DGLUCY: variants seen among roughly 807,000 people sequenced by gnomAD.
DGLUCY encodes D-glutamate cyclase, mitochondrial.
Under a neutral mutation model 58.5 loss-of-function variants are expected in DGLUCY, and 58 were observed. The observed-to-expected ratio is 0.99, with a 90% CI of 0.80 to 1.23. DGLUCY has a LOEUF of 1.23. Among genes scored for constraint, DGLUCY ranks in the 50% most tolerant of loss-of-function variants. The pLI, the probability that DGLUCY is intolerant of heterozygous loss-of-function variation, is 0.00. For synonymous variants in DGLUCY, 325 were observed against 314.1 expected, an observed-to-expected ratio of 1.03 and a Z score of -0.37; for missense variants, 779 against 784.7, an observed-to-expected ratio of 0.99 and a Z score of 0.09.
exon 1 of DGLUCY, chr14:91,060,635 G>A: frequency 4.5e-6 from 3 of 662,694 alleles, no homozygotes; most frequent in Non-Finnish European, 6.4e-6. Flanking sequence ...GGCACCGCTA[G>A]TACCGCGCAA....
At chr14:91,171,393 A>T (rs1250624971) in intron 5 of DGLUCY, among the ~76,000 whole-genome samples, 1 of 152,168 alleles carries the variant, frequency 6.6e-6, no homozygotes, top group Non-Finnish European at 1.5e-5. Context: ...GGCTTCACTG[A>T]CCCCGATGCT....
intron 1 of DGLUCY, among the ~76,000 whole-genome samples, chr14:91,085,411 C>T (rs2044197594): frequency 6.6e-6 from 1 of 152,056 alleles, no homozygotes; most frequent in African/African-American, 2.4e-5. Flanking sequence ...ATACCCCCCA[C>T]ATCTTTTTCC....
intron 1 of DGLUCY, among the ~76,000 whole-genome samples, chr14:91,097,122 G>A (rs922068360): frequency 3.3e-4 from 50 of 152,192 alleles, no homozygotes; most frequent in African/African-American, 1.2e-3. Context: ...TTAGGCTGGG[G>A]GCAGTGGCTC....
At chr14:91,113,850 C>A (rs1165511722), upstream of DGLUCY, among the ~76,000 whole-genome samples, 1 of 152,208 alleles carries the variant, frequency 6.6e-6, no homozygotes, top group Non-Finnish European at 1.5e-5. Flanking sequence ...AGTGCCCAGG[C>A]CATACACCCC....
intron 1 of DGLUCY, among the ~76,000 whole-genome samples, chr14:91,151,082 C>T (rs574670064): frequency 1.3e-5 from 2 of 152,336 alleles, no homozygotes; most frequent in South Asian, 4.1e-4. Flanking sequence ...TCACTTATGT[C>T]TGACTTATTT....
At chr14:91,146,555 G>A (rs1406080770) in intron 1 of DGLUCY, among the ~76,000 whole-genome samples, 1 of 152,166 alleles carries the variant, frequency 6.6e-6, no homozygotes, top group Non-Finnish European at 1.5e-5. Context: ...GCTGCTTCCT[G>A]GGTGACTGTG....
chr14:91,184,584 G>GGC (rs1555402937), intron 8 of DGLUCY, among the ~76,000 whole-genome samples: 1 of 114,132 alleles, frequency 8.8e-6, no homozygotes, highest in African/African-American at 3.9e-5. Context: ...AGTTGGGGGG[G>GGC]GGGAGGGAGG....
intron 9 of DGLUCY, among the ~76,000 whole-genome samples, chr14:91,194,240 A>G (rs556911212): frequency 1.3e-5 from 2 of 152,258 alleles, no homozygotes; most frequent in Non-Finnish European, 2.9e-5. Context: ...GAGGTAACCA[A>G]TGGCTGACAT....
At chr14:91,209,221 C>T (rs989577261) in intron 12 of DGLUCY, among the ~76,000 whole-genome samples, 1 of 152,060 alleles carries the variant, frequency 6.6e-6, no homozygotes, top group African/African-American at 2.4e-5. Context: ...CGAGATAATG[C>T]CACTGCACTC....
chr14:91,139,646 C>G (rs1319282890), intron 1 of DGLUCY, among the ~76,000 whole-genome samples: 4 of 152,166 alleles, frequency 2.6e-5, no homozygotes, highest in African/African-American at 7.2e-5. Context: ...GATCGTGCCA[C>G]TGCACTCCAG....
upstream of DGLUCY, among the ~76,000 whole-genome samples, chr14:91,112,623 A>G (rs565321422): frequency 2.8e-4 from 43 of 152,240 alleles, 1 homozygote; most frequent in Non-Finnish European, 5.0e-4. Flanking sequence ...TCATTCCAAC[A>G]TTATTGAATA....
upstream of DGLUCY, among the ~76,000 whole-genome samples, chr14:91,111,202 A>ATG (rs71120113): frequency 3.4e-3 from 157 of 46,346 alleles, no homozygotes; most frequent in African/African-American, 7.3e-3. Flanking sequence ...ATTTATATAT[A>ATG]TGTGTGTGTG....
Position 91,192,925 on chromosome 14 carries a change from G to A in DGLUCY, c.1196-3450G>A, listed in dbSNP as rs2049987022. Among the ~76,000 whole-genome samples, 3 of 152,202 alleles carry A rather than the reference G, an allele frequency of 2.0e-5. 1 individual carries two copies. The South Asian group carries it at 6.2e-4, about 31-fold the overall frequency. On this transcript the variant is annotated intron_variant, in intron 9 of 13. Transcript: ENST00000256324. Reference sequence around the variant, plus strand: ...GAGGTGCGTCTATTAGACACACAGTGGAGAAGTCAAGGAGGCAGTTAGTGA... The same window carrying A: ...GAGGTGCGTCTATTAGACACACAGTAGAGAAGTCAAGGAGGCAGTTAGTGA...
intron 1 of DGLUCY, among the ~76,000 whole-genome samples, chr14:91,086,699 A>G (rs898565676): frequency 6.6e-5 from 10 of 152,212 alleles, no homozygotes; most frequent in African/African-American, 1.9e-4. Context: ...CTATCAGATC[A>G]GGTGAGCTTT....
Position 91,074,093 on chromosome 14 carries a change from C to CA in DGLUCY, c.-82+13401dup, listed in dbSNP as rs1183223393. On this transcript the variant is annotated intron_variant, in intron 1 of 4. Transcript: ENST00000521334. ...CAACATAATGAGACCTCATCTCTAC[C>CA]AAAAAAAAAAAATATATATATATAT... Among the ~76,000 whole-genome samples, 152 of 99,744 alleles carry CA rather than the reference C, an allele frequency of 1.5e-3. 2 individuals are homozygous for CA. The highest frequency in any genetic ancestry group is 0.011 in the Middle Eastern group (2 of 186). The allele number at this position is 99,744 out of a possible 152,430, so 65.4% of individuals were successfully genotyped here.
intron 1 of DGLUCY, among the ~76,000 whole-genome samples, chr14:91,157,118 G>GAT (rs2047673524): frequency 6.5e-5 from 9 of 138,760 alleles, no homozygotes; most frequent in East Asian, 2.2e-4. Context: ...TGGATGGATG[G>GAT]GTGGATGGAT....
At chr14:91,182,738 G>A (rs1270998290) in intron 8 of DGLUCY, among the ~76,000 whole-genome samples, 1 of 152,074 alleles carries the variant, frequency 6.6e-6, no homozygotes, top group Non-Finnish European at 1.5e-5. Flanking sequence ...AGTGGGGCAG[G>A]ACCCTACAGC....
chr14:91,159,706 C>T (rs2047869429), intron 2 of DGLUCY, among the ~76,000 whole-genome samples: 1 of 152,138 alleles, frequency 6.6e-6, no homozygotes, highest in South Asian at 2.1e-4. Flanking sequence ...CTTCTAGAAA[C>T]CTAAATCTAA....
intron 1 of DGLUCY, among the ~76,000 whole-genome samples, chr14:91,130,239 T>G (rs2045953325): frequency 6.6e-6 from 1 of 152,184 alleles, no homozygotes; most frequent in Non-Finnish European, 1.5e-5. Flanking sequence ...AAGTGTGGCC[T>G]GTGTCTCATT....
Sources: gnomAD v4.1 joint callset for allele counts (sites outside exome capture counted in the v4.1 genomes callset) on GRCh38, gnomAD v4.1.1 for gene constraint, MANE v1.5 for transcripts, NCBI Gene and HGNC (gene_info 2026-07-23, HGNC 2026-07-21) for gene names.